The following NAV2 variants were observed in gnomAD, a reference collection of about 807,000 sequenced individuals.
NAV2 encodes neuron navigator 2, also known as helicase, APC down-regulated 1.
Under a neutral mutation model 223.2 loss-of-function variants are expected in NAV2, and 54 were observed. That is an observed-to-expected ratio of 0.24 (90% CI 0.19 to 0.30). NAV2 has a LOEUF of 0.30. NAV2 is among the 10% of genes least tolerant of loss of function. The probability of loss-of-function intolerance (pLI) is 1.00; values close to 1 mark genes in which losing one functional copy is unlikely to be tolerated. For missense variants in NAV2, 2,806 were observed against 3,147.5 expected, an observed-to-expected ratio of 0.89 and a Z score of 2.60; for synonymous variants, 1,279 against 1,239.3, an observed-to-expected ratio of 1.03 and a Z score of -0.67.
Position 20,108,387 on chromosome 11 carries a change from T to C in NAV2, c.6960+605T>C, listed in dbSNP as rs540043686. On this transcript the variant is annotated intron_variant, in intron 36 of 37. Coordinates refer to ENST00000349880, the MANE Select transcript of NAV2 (RefSeq NM_145117.5). Reference sequence around the variant, plus strand: ...TCAGCACCCCTACCCTCTTAGGAACTTCGGGGCCCATAAGGCTGCCAGTTC... The same window carrying C: ...TCAGCACCCCTACCCTCTTAGGAACCTCGGGGCCCATAAGGCTGCCAGTTC... Among the ~76,000 whole-genome samples the C allele has an allele frequency of 1.6e-3, 239 of 152,320 alleles. 1 individual carries two copies. The highest frequency in any genetic ancestry group is 5.6e-3 in the African/African-American group (231 of 41,564).
intron 1 of NAV2, among the ~76,000 whole-genome samples, chr11:19,645,513 T>C (rs1034084988): frequency 6.6e-6 from 1 of 152,174 alleles, no homozygotes; most frequent in African/African-American, 2.4e-5. Context: ...TAGTAATGTC[T>C]GCCCAGGACC....
At chr11:19,945,021 T>C (rs1455339804) in intron 8 of NAV2, among the ~76,000 whole-genome samples, 1 of 151,078 alleles carries the variant, frequency 6.6e-6, no homozygotes. Context: ...CCTTTCCTTT[T>C]CTTTCTTCTT....
In NAV2 at chr11:20,003,927, A is replaced by G. The variant is rs181727682; in HGVS notation, c.2768+19680A>G. On this transcript the variant is annotated intron_variant, in intron 11 of 37. Transcript: ENST00000349880. ...TAGCTTCTGGTTTTGTTAAATTGTT[A>G]ATAATACTATCTATTTCTAGTTACT... 3.7e-4 allele frequency among the ~76,000 whole-genome samples: 57 copies of G among 152,362 alleles called. 2 individuals carry two copies. The highest frequency in any genetic ancestry group is 3.7e-3 in the Admixed American group (56 of 15,298).
At chr11:20,114,438 T>A (rs533369367) in intron 36 of NAV2, 154 bp from the exon 37 acceptor site, 2 of 688,854 alleles carry the variant, frequency 2.9e-6, no homozygotes, top group East Asian at 5.4e-5. Context: ...TGTCTGCATC[T>A]TGGATGACTT....
chr11:19,829,761 C>T (rs746158352), intron 1 of NAV2, among the ~76,000 whole-genome samples: 1 of 152,180 alleles, frequency 6.6e-6, no homozygotes, highest in Non-Finnish European at 1.5e-5. Flanking sequence ...CAGCATGGAT[C>T]AGGACAGGCA....
At chr11:19,954,932 CATAT>C (rs1256050001) in intron 10 of NAV2, among the ~76,000 whole-genome samples, 2 of 3,004 alleles carry the variant, frequency 6.7e-4, no homozygotes, top group Non-Finnish European at 2.1e-3. Context: ...TGTGTATATA[CATAT>C]ATATATACAT....
At chr11:19,856,714 T>C (rs139919970) in intron 3 of NAV2, among the ~76,000 whole-genome samples, 1 of 152,364 alleles carries the variant, frequency 6.6e-6, no homozygotes, top group East Asian at 1.9e-4. Flanking sequence ...TAGGGTGTTC[T>C]ATAAAGGCAG....
chr11:19,886,408 G>A (rs568538785), intron 5 of NAV2, among the ~76,000 whole-genome samples: 5 of 152,282 alleles, frequency 3.3e-5, no homozygotes, highest in Non-Finnish European at 5.9e-5. Context: ...ACCCAGACTC[G>A]GTGGAGGAGG....
At chr11:20,074,653 C>T (rs373742582) in intron 22 of NAV2, among the ~76,000 whole-genome samples, 6 of 151,452 alleles carry the variant, frequency 4.0e-5, no homozygotes, top group East Asian at 1.9e-4. Flanking sequence ...ATAGTGAGCT[C>T]TTCTTGTTGC....
At chr11:20,077,814 T>G (rs534396000) in intron 23 of NAV2, among the ~76,000 whole-genome samples, 179 bp downstream of exon 23, 3 of 152,346 alleles carry the variant, frequency 2.0e-5, no homozygotes, top group East Asian at 3.9e-4. Context: ...ATGGCATCAA[T>G]GATAGATCTT....
chr11:19,607,295 T>C (rs1447147457), intron 1 of NAV2, among the ~76,000 whole-genome samples: 1 of 152,208 alleles, frequency 6.6e-6, no homozygotes, highest in Non-Finnish European at 1.5e-5. Flanking sequence ...GGAGCCCTCT[T>C]GGCCCAGAGG....
At position 19,512,827 on chromosome 11, in the gene NAV2, C is replaced by T. The variant is rs531680290; in HGVS notation, c.75+161800C>T. Among the ~76,000 whole-genome samples the T allele has an allele frequency of 3.9e-5, 6 of 152,286 alleles. 1 individual carries two copies. Among genetic ancestry groups the T allele is most frequent in the South Asian group, 2.1e-4 (1 of 4,822 alleles). On this transcript the variant is annotated intron_variant, in intron 1 of 37. Coordinates refer to the NAV2 transcript ENST00000360655. Reference sequence around the variant, plus strand: ...TGCCACCAGACTATGCAGATCAGCACGATATTGCATTTTGCAATAACTGAA... The same window carrying T: ...TGCCACCAGACTATGCAGATCAGCATGATATTGCATTTTGCAATAACTGAA...
chr11:19,848,291 TA>T (rs1293996763), intron 3 of NAV2, among the ~76,000 whole-genome samples: 2 of 152,148 alleles, frequency 1.3e-5, no homozygotes, highest in East Asian at 3.9e-4. Context: ...ATATGAGTGA[TA>T]AAAGCTGCTA....
intron 34 of NAV2, 141 bp from the exon 35 acceptor site, chr11:20,105,390 A>G (rs1263445776): frequency 6.2e-6 from 4 of 640,946 alleles, no homozygotes; most frequent in African/African-American, 5.4e-5. Flanking sequence ...TACAATGTTT[A>G]GAAGAGTGTT....
intron 1 of NAV2, among the ~76,000 whole-genome samples, chr11:19,383,183 C>A (rs868388401): frequency 6.6e-6 from 1 of 152,218 alleles, no homozygotes; most frequent in Non-Finnish European, 1.5e-5. Flanking sequence ...AGCCCCACCA[C>A]ACACCCCTGC....
chr11:19,863,525 T>C (rs1273706550), intron 3 of NAV2, among the ~76,000 whole-genome samples: 1 of 152,078 alleles, frequency 6.6e-6, no homozygotes, highest in Non-Finnish European at 1.5e-5. Flanking sequence ...GTAGATCTAT[T>C]ATGTGCTGCA....
chr11:19,512,810 G>A (rs937396911), intron 1 of NAV2, among the ~76,000 whole-genome samples: 2 of 152,144 alleles, frequency 1.3e-5, no homozygotes, highest in Admixed American at 1.3e-4. Flanking sequence ...CATGCCACCA[G>A]ACTATGCAGA....
At chr11:19,970,758 A>G (rs973618191) in intron 10 of NAV2, among the ~76,000 whole-genome samples, 2 of 152,220 alleles carry the variant, frequency 1.3e-5, no homozygotes, top group African/African-American at 2.4e-5. Context: ...ATACATTTAA[A>G]TGAAAAAAAC....
At chr11:19,949,283 A>G (rs1410359225) in intron 10 of NAV2, among the ~76,000 whole-genome samples, 3 of 152,236 alleles carry the variant, frequency 2.0e-5, no homozygotes, top group African/African-American at 4.8e-5. Context: ...AGGCTTGGCC[A>G]GTAAATCACA....
Sources: gnomAD v4.1 joint callset for allele counts (sites outside exome capture counted in the v4.1 genomes callset) on GRCh38, gnomAD v4.1.1 for gene constraint, MANE v1.5 for transcripts, NCBI Gene and HGNC (gene_info 2026-07-23, HGNC 2026-07-21) for gene names.